Variants in TRIP12 observed in about 807,000 individuals in gnomAD.
TRIP12 encodes thyroid hormone receptor interactor 12, also known as E3 ubiquitin-protein ligase TRIP12.
In TRIP12, 25 loss-of-function variants were observed where a neutral mutation model predicts 244.2. The observed-to-expected ratio is 0.10, with a 90% CI of 0.07 to 0.14. The LOEUF (loss-of-function observed/expected upper bound fraction) is 0.14, where lower values mean the gene tolerates loss of function less well. TRIP12 is among the 10% of genes least tolerant of loss of function. The pLI, the probability that TRIP12 is intolerant of heterozygous loss-of-function variation, is 1.00. For synonymous variants in TRIP12, 905 were observed against 873.1 expected (o/e 1.04, Z -0.64); for missense variants, 1,677 against 2,486.4 (o/e 0.67, Z 6.92).
rs140917363 is a variant in TRIP12, at chr2:229,866,043, A to G, written c.99-5512T>C. ...CATTTAGCAGGTGTGGATTAGAGGTAAAGATGAGCAACATACAGAACAAAA... is the reference window on the plus strand; with the variant it reads ...CATTTAGCAGGTGTGGATTAGAGGTGAAGATGAGCAACATACAGAACAAAA... On this transcript the variant is annotated intron_variant, in intron 2 of 41. Coordinates refer to ENST00000675903, the MANE Select transcript of TRIP12 (RefSeq NM_001348323.3). 1.3e-3 allele frequency among the ~76,000 whole-genome samples: 203 copies of G among 152,326 alleles called. 1 individual carries two copies. Among genetic ancestry groups the G allele is most frequent in the Non-Finnish European group, 2.5e-3 (172 of 68,022 alleles).
At chr2:229,906,864 TAA>T (rs1312884606) in intron 1 of TRIP12, among the ~76,000 whole-genome samples, 1 of 152,066 alleles carries the variant, frequency 6.6e-6, no homozygotes, top group Non-Finnish European at 1.5e-5. Context: ...TATATCAAAA[TAA>T]AGACATCAAA....
intron 38 of TRIP12, among the ~76,000 whole-genome samples, chr2:229,773,093 T>G (rs570918452): frequency 4.5e-4 from 67 of 148,502 alleles, no homozygotes; most frequent in African/African-American, 1.6e-3. Flanking sequence ...TTTTTTTTTT[T>G]GAAATGAAGT....
intron 1 of TRIP12, chr2:229,900,659 G>A (rs1462488651): frequency 6.6e-6 from 1 of 152,024 alleles, no homozygotes; most frequent in Non-Finnish European, 1.5e-5. Flanking sequence ...GTCAGGAGTT[G>A]GAGATCACCC....
At chr2:229,889,857 A>G (rs1409159000) in intron 1 of TRIP12, among the ~76,000 whole-genome samples, 2 of 152,220 alleles carry the variant, frequency 1.3e-5, no homozygotes, top group Non-Finnish European at 2.9e-5. Flanking sequence ...AGCGACAGAC[A>G]GAAACCTCCT....
intron 30 of TRIP12, 56 bp from the exon 31 acceptor site, chr2:229,789,818 T>C: frequency 1.3e-6 from 2 of 1,589,138 alleles, no homozygotes; most frequent in South Asian, 1.1e-5. Context: ...GCTAAGCCAG[T>C]GCAGCCAAGG....
In TRIP12 at chr2:229,766,757, C is replaced by T. The variant is rs2031887914; in HGVS notation, c.*797G>A. On this transcript the variant is annotated 3_prime_UTR_variant, in exon 42 of 42. Coordinates refer to ENST00000675903, the MANE Select transcript of TRIP12 (RefSeq NM_001348323.3). ...TTCATAAAAGAAACAAATGAGCTTT[C>T]CTTGTCTCATTCCAGAGGCTGTTGC... 1 of 152,188 alleles carries T rather than the reference C, an allele frequency of 6.6e-6. No individual in the cohort carries two copies. Among genetic ancestry groups the T allele is most frequent in the South Asian group, 2.1e-4 (1 of 4,826 alleles). 9.4% of individuals were successfully genotyped at this position (152,188 alleles called of 1,614,324 possible). A position where few individuals can be genotyped will look rare whatever the true frequency, so the allele number is the denominator to read the frequency against.
In TRIP12 at chr2:229,763,944, C is replaced by T; in HGVS notation, c.*3610G>A. Reference sequence around the variant, plus strand: ...TTGAGGTTCCATTATTCCAACAGTTCATATAAATCACTGTTTCAGATAAAA... The same window carrying T: ...TTGAGGTTCCATTATTCCAACAGTTTATATAAATCACTGTTTCAGATAAAA... On this transcript the variant is annotated 3_prime_UTR_variant, in exon 42 of 42. Coordinates refer to ENST00000675903, the MANE Select transcript of TRIP12 (RefSeq NM_001348323.3). 1 of 152,164 alleles carries T rather than the reference C, an allele frequency of 6.6e-6. No homozygotes were observed. Among genetic ancestry groups the T allele is most frequent in the Non-Finnish European group, 1.5e-5 (1 of 68,032 alleles). The allele number at this position is 152,164 out of a possible 1,614,324, so 9.4% of individuals were successfully genotyped here. A position where few individuals can be genotyped will look rare whatever the true frequency, so the allele number is the denominator to read the frequency against.
intron 17 of TRIP12, chr2:229,806,176 G>A: frequency 4.2e-6 from 1 of 235,772 alleles, no homozygotes; most frequent in Non-Finnish European, 8.1e-6. Flanking sequence ...CTGACACAAA[G>A]AAGACACCAT....
At position 229,793,025 on chromosome 2, in the gene TRIP12, C is replaced by T. The variant is rs1247013773; in HGVS notation, c.4089G>A (p.Lys1363=). 6.2e-7 allele frequency: 1 copy of T among 1,613,966 alleles called. No individual in the cohort carries two copies. The highest frequency in any genetic ancestry group is 1.1e-5 in the South Asian group (1 of 91,070). The change falls in exon 27 of 42, where the codon AAG becomes AAA. Residue 1363 remains lysine (K), a synonymous_variant. Coordinates refer to ENST00000675903, the MANE Select transcript of TRIP12 (RefSeq NM_001348323.3). ...NVKQWKGGPV[K]IDPLALVQAI... ...CTTGTACCAAAGCCAGAGGGTCAATCTTGACAGGTCCACCCTTCCACTGCT... is the reference window on the plus strand; with the variant it reads ...CTTGTACCAAAGCCAGAGGGTCAATTTTGACAGGTCCACCCTTCCACTGCT...
At position 229,875,877 on chromosome 2, in the gene TRIP12, G is replaced by T. The variant is rs540275366; in HGVS notation, c.98+4105C>A. 5.9e-5 allele frequency among the ~76,000 whole-genome samples: 9 copies of T among 152,272 alleles called. No individual in the cohort carries two copies. In the South Asian group the frequency reaches 1.9e-3, roughly 32 times the overall value. On this transcript the variant is annotated intron_variant, in intron 2 of 41. Coordinates refer to ENST00000675903, the MANE Select transcript of TRIP12 (RefSeq NM_001348323.3). ...AGAGAATAAATATATAGCTGTAATT[G>T]TTCTCTCCCAATTAATCCCAATCCT...
At chr2:229,858,327 C>T (rs749927894) in intron 4 of TRIP12, among the ~76,000 whole-genome samples, 2 of 152,160 alleles carry the variant, frequency 1.3e-5, no homozygotes, top group Non-Finnish European at 2.9e-5. Context: ...TGCGCCACTG[C>T]ACTCCAGCCT....
chr2:229,892,294 TAAGA>T (rs2067550663), intron 1 of TRIP12, among the ~76,000 whole-genome samples: 4 of 152,090 alleles, frequency 2.6e-5, no homozygotes, highest in Admixed American at 6.6e-5. Flanking sequence ...ACTCAAAGCA[TAAGA>T]AAGAAGCAGG....
intron 1 of TRIP12, among the ~76,000 whole-genome samples, chr2:229,887,443 T>C (rs1439852985): frequency 6.6e-6 from 1 of 152,118 alleles, no homozygotes; most frequent in Non-Finnish European, 1.5e-5. Flanking sequence ...AACTCTATCA[T>C]GAAGGGCCAG....
intron 36 of TRIP12, 145 bp from the exon 37 acceptor site, chr2:229,777,624 C>G (rs2036684273): frequency 1.3e-6 from 1 of 785,574 alleles, no homozygotes; most frequent in Non-Finnish European, 2.0e-6. Context: ...AACTATTTCT[C>G]CCACTACACA....
intron 4 of TRIP12, among the ~76,000 whole-genome samples, chr2:229,847,427 G>C (rs1266345820): frequency 1.3e-5 from 2 of 152,002 alleles, no homozygotes; most frequent in Non-Finnish European, 2.9e-5. Flanking sequence ...CTCCCTTCTG[G>C]GTAAAGACAG....
At chr2:229,821,240 A>G (rs1313941581) in intron 8 of TRIP12, among the ~76,000 whole-genome samples, 1 of 152,194 alleles carries the variant, frequency 6.6e-6, no homozygotes, top group Non-Finnish European at 1.5e-5. Context: ...CACCAGTTTT[A>G]CCCATTACAG....
rs561044237 is a variant in TRIP12, at chr2:229,792,970, T to C, written c.4141+3A>G. 1 of 1,609,310 alleles carries C rather than the reference T, an allele frequency of 6.2e-7. No homozygotes were observed. Among genetic ancestry groups the C allele is most frequent in the Non-Finnish European group, 8.5e-7 (1 of 1,178,134 alleles). ...ACACACGAAACAAATATATGGAAAG[T>C]ACCTCTAACTACAAGGTATCTCTCG... is the stretch of plus-strand genomic sequence containing the variant. On this transcript the variant is annotated splice_donor_region_variant and intron_variant, in intron 27 of 41. Coordinates refer to ENST00000675903, the MANE Select transcript of TRIP12 (RefSeq NM_001348323.3).
intron 13 of TRIP12, among the ~76,000 whole-genome samples, 184 bp downstream of exon 13, chr2:229,813,686 A>G (rs2047814359): frequency 6.6e-6 from 1 of 152,196 alleles, no homozygotes; most frequent in African/African-American, 2.4e-5. Context: ...CGGGAAGCTG[A>G]GGCAGGAGAA....
At chr2:229,860,267 G>A (rs1486658328) in intron 3 of TRIP12, 139 bp downstream of exon 3, 1 of 1,077,338 alleles carries the variant, frequency 9.3e-7, no homozygotes, top group East Asian at 2.5e-5. Context: ...GTGATAAACT[G>A]TCAATCCTAA....
Sources: allele counts gnomAD v4.1 joint callset (sites outside exome capture counted in the v4.1 genomes callset), GRCh38; gene constraint gnomAD v4.1.1; transcripts MANE v1.5; gene names NCBI Gene and HGNC (gene_info 2026-07-23, HGNC 2026-07-21).